The following ATF2 variants were observed in gnomAD, a reference collection of about 807,000 sequenced individuals.
The protein encoded by ATF2 is activating transcription factor 2.
ATF2 carries 24 observed loss-of-function variants against 60.6 expected under a neutral mutation model. The observed-to-expected ratio is 0.40, with a 90% CI of 0.29 to 0.56. ATF2 has a LOEUF of 0.56. Ranked by LOEUF, ATF2 falls within the 20% of genes least tolerant of loss-of-function variation. The probability of loss-of-function intolerance (pLI) is 0.54; values close to 1 mark genes in which losing one functional copy is unlikely to be tolerated. For missense variants in ATF2, 433 were observed against 607.7 expected (o/e 0.71, Z 3.02); for synonymous variants, 206 against 215.4 (o/e 0.96, Z 0.38).
At chr2:175,108,208 G>A (rs1044607045) in intron 10 of ATF2, among the ~76,000 whole-genome samples, 3 of 150,154 alleles carry the variant, frequency 2.0e-5, no homozygotes, top group African/African-American at 4.9e-5. Flanking sequence ...GAGGAGCCCC[G>A]CCGCCCGGCA....
At chr2:175,099,764 T>G (rs752061420) in intron 10 of ATF2, among the ~76,000 whole-genome samples, 3 of 152,230 alleles carry the variant, frequency 2.0e-5, no homozygotes, top group Non-Finnish European at 4.4e-5. Flanking sequence ...GATGCAGAGC[T>G]GTTAAGCTAG....
rs748097470 is a variant in ATF2 at position 175,121,529 on chromosome 2, G to A, written c.114C>T (p.Asn38=). 3 of 1,599,330 alleles carry A rather than the reference G, an allele frequency of 1.9e-6. No individual in the cohort carries two copies. The highest frequency in any genetic ancestry group is 1.7e-5 in the Admixed American group (1 of 58,430). Residue 38 remains asparagine (N), a synonymous_variant, in exon 5 of 14, where the codon AAC becomes AAT. Coordinates refer to ENST00000264110, the MANE Select transcript of ATF2 (RefSeq NM_001880.4). The part of the protein sequence containing the change: ...TAPGCGQRFT[N]EDHLAVHKHK... ...GTTTATGGACAGCCAAATGATCCTC[G>A]TTGGTAAAACGCTGTGGCAAAAAGT...
rs990125453 is a variant in ATF2, at chr2:175,118,495, T to C, written c.200-126A>G. The C allele has an allele frequency of 5.1e-6, 4 of 778,208 alleles. No individual in the cohort carries two copies. The African/African-American group carries it at 5.6e-5, about 11-fold the overall frequency. The allele number at this position is 778,208 out of a possible 1,614,324, so 48.2% of individuals were successfully genotyped here. ...TGTTAATTCTCTCTTTGGAAAGACC[T>C]CTTCCTTTAAAACAAACAAAATTTG... On this transcript the variant is annotated intron_variant, in intron 5 of 13. Coordinates refer to ENST00000264110, the MANE Select transcript of ATF2 (RefSeq NM_001880.4).
chr2:175,111,654 G>A lies in ATF2; in HGVS notation c.742C>T (p.Leu248Phe). ...GGCACCATGGTGACTGGTCGAACGAGCTATGCATGACATAAGGAAAAATAA... is the reference window on the plus strand; with the variant it reads ...GGCACCATGGTGACTGGTCGAACGAACTATGCATGACATAAGGAAAAATAA... ...SNVHVPAAVPLVRPVTMVPSV... is the reference protein window; with the variant it reads ...SNVHVPAAVPFVRPVTMVPSV... The change falls in exon 10 of 14, where the codon CTC becomes TTC. Residue 248 changes from leucine to phenylalanine, a missense_variant and splice_region_variant. Physicochemically the swap from Leu to Phe is conservative, Grantham distance 22 (BLOSUM62 0). Transcript: ENST00000264110. The A allele has an allele frequency of 6.2e-7, 1 of 1,612,974 alleles. No homozygotes were observed. Among genetic ancestry groups the A allele is most frequent in the Non-Finnish European group, 8.5e-7 (1 of 1,179,210 alleles).
chr2:175,149,737 A>C (rs1318291942), intron 2 of ATF2, among the ~76,000 whole-genome samples: 1 of 152,174 alleles, frequency 6.6e-6, no homozygotes, highest in African/African-American at 2.4e-5. Flanking sequence ...TGGACTGACC[A>C]CTACCTCCTA....
chr2:175,165,163 A>G (rs1220831520), intron 1 of ATF2, among the ~76,000 whole-genome samples: 1 of 152,236 alleles, frequency 6.6e-6, no homozygotes. Flanking sequence ...ATTATACAAA[A>G]TAACCCAACA....
At chr2:175,117,868 C>T (rs1158097391) in intron 7 of ATF2, 122 bp downstream of exon 7, 36 of 1,109,436 alleles carry the variant, frequency 3.2e-5, no homozygotes, top group Non-Finnish European at 4.1e-5. Flanking sequence ...CAGGCTTTCA[C>T]ATATAAAACT....
At chr2:175,134,522 C>T (rs1697994330) in intron 3 of ATF2, among the ~76,000 whole-genome samples, 2 of 145,520 alleles carry the variant, frequency 1.4e-5, no homozygotes, top group East Asian at 4.0e-4. Context: ...AGAAAATGCA[C>T]TCATCTGAAA....
intron 13 of ATF2, 59 bp from the exon 14 acceptor site, chr2:175,074,894 T>C (rs1159030292): frequency 1.3e-6 from 2 of 1,597,760 alleles, no homozygotes; most frequent in Non-Finnish European, 1.7e-6. Flanking sequence ...TGCACCAGTA[T>C]GCTGAGGCAA....
At chr2:175,096,778 A>T (rs1011657951) in intron 11 of ATF2, among the ~76,000 whole-genome samples, 6 of 152,222 alleles carry the variant, frequency 3.9e-5, no homozygotes, top group Non-Finnish European at 8.8e-5. Flanking sequence ...CTTGAAAAAG[A>T]ACGTAAGATT....
At chr2:175,101,667 C>A (rs1217732369) in intron 10 of ATF2, among the ~76,000 whole-genome samples, 1 of 152,106 alleles carries the variant, frequency 6.6e-6, no homozygotes, top group African/African-American at 2.4e-5. Context: ...CTTGAATAAT[C>A]TTTAGTAGGG....
intron 3 of ATF2, 28 bp downstream of exon 3, chr2:175,136,384 C>T: frequency 1.2e-6 from 2 of 1,602,942 alleles, no homozygotes; most frequent in East Asian, 2.2e-5. Flanking sequence ...TAAAAAATGG[C>T]TAAAAATACC....
intron 1 of ATF2, among the ~76,000 whole-genome samples, chr2:175,153,749 T>C (rs1227503467): frequency 6.6e-6 from 1 of 150,768 alleles, no homozygotes; most frequent in Non-Finnish European, 1.5e-5. Flanking sequence ...GGAGAATCGC[T>C]TGAACCCAGG....
At chr2:175,081,788 C>G (rs562077750) in intron 12 of ATF2, among the ~76,000 whole-genome samples, 4 of 152,204 alleles carry the variant, frequency 2.6e-5, no homozygotes, top group African/African-American at 9.6e-5. Flanking sequence ...CGGTGGCTCA[C>G]GCCTGTGATC....
chr2:175,143,917 G>A (rs763385595), intron 2 of ATF2, among the ~76,000 whole-genome samples: 6 of 151,922 alleles, frequency 3.9e-5, no homozygotes, highest in Middle Eastern at 6.8e-3. Context: ...CTTCAGCCTC[G>A]CAAATAGCTG....
intron 13 of ATF2, among the ~76,000 whole-genome samples, chr2:175,076,782 A>C (rs574586154): frequency 6.6e-6 from 1 of 151,120 alleles, no homozygotes; most frequent in South Asian, 2.1e-4. Context: ...GATTTTTAAA[A>C]TTTTTTTATT....
chr2:175,111,213 T>C (rs1360936042), intron 10 of ATF2, among the ~76,000 whole-genome samples: 2 of 152,240 alleles, frequency 1.3e-5, no homozygotes, highest in African/African-American at 2.4e-5. Flanking sequence ...TTTTTAATAC[T>C]GTTAAAACCA....
At chr2:175,105,519 C>T (rs1390177437) in intron 10 of ATF2, among the ~76,000 whole-genome samples, 4 of 151,926 alleles carry the variant, frequency 2.6e-5, no homozygotes, top group Admixed American at 2.0e-4. Flanking sequence ...TCTTAGAACC[C>T]AAGAAATGTT....
intron 3 of ATF2, among the ~76,000 whole-genome samples, chr2:175,132,151 T>C (rs996681026): frequency 7.9e-5 from 12 of 152,196 alleles, no homozygotes; most frequent in African/African-American, 2.9e-4. Context: ...AAAAGGTAAA[T>C]ATTTTAGTAT....
Sources: gnomAD v4.1 joint callset for allele counts (sites outside exome capture counted in the v4.1 genomes callset) on GRCh38, gnomAD v4.1.1 for gene constraint, MANE v1.5 for transcripts, NCBI Gene and HGNC (gene_info 2026-07-23, HGNC 2026-07-21) for gene names.